The following TTLL5 variants were observed in gnomAD, a reference collection of about 807,000 sequenced individuals.
The protein encoded by TTLL5 is tubulin polyglutamylase TTLL5.
In TTLL5, 132 loss-of-function variants were observed where a neutral mutation model predicts 168.4. The ratio of observed to expected loss-of-function variants is 0.78; its 90% CI spans 0.68 to 0.91. The LOEUF is 0.91. TTLL5 is among the 40% of genes least tolerant of loss of function. The probability of loss-of-function intolerance (pLI) is 0.00; values close to 1 mark genes in which losing one functional copy is unlikely to be tolerated. For missense variants in TTLL5, 1,545 were observed against 1,581.5 expected, an observed-to-expected ratio of 0.98 and a Z score of 0.39; for synonymous variants, 546 against 558.6, an observed-to-expected ratio of 0.98 and a Z score of 0.32.
At chr14:75,920,135 A>G (rs1427054682) in intron 31 of TTLL5, among the ~76,000 whole-genome samples, 2 of 152,034 alleles carry the variant, frequency 1.3e-5, no homozygotes, top group African/African-American at 4.8e-5. Flanking sequence ...CAACAACAAC[A>G]ACAACAACAA....
At chr14:75,775,713 G>A in intron 22 of TTLL5, 83 bp downstream of exon 22, 1 of 1,506,736 alleles carries the variant, frequency 6.6e-7, no homozygotes, top group East Asian at 2.3e-5. Flanking sequence ...TGTCCAACTG[G>A]ATGGAGACAC....
chr14:75,803,554 T>G (rs1041315781), intron 27 of TTLL5, among the ~76,000 whole-genome samples: 2 of 152,216 alleles, frequency 1.3e-5, no homozygotes, highest in Non-Finnish European at 2.9e-5. Context: ...AACAAATAAC[T>G]TAGAAATCTG....
At chr14:75,728,958 T>A (rs1178348247) in intron 12 of TTLL5, among the ~76,000 whole-genome samples, 1 of 152,166 alleles carries the variant, frequency 6.6e-6, no homozygotes, top group Non-Finnish European at 1.5e-5. Context: ...TCTTTGGTGA[T>A]CATATTGAGA....
At chr14:75,712,312 T>C (rs1887139461) in intron 9 of TTLL5, 1 of 151,694 alleles carries the variant, frequency 6.6e-6, no homozygotes, top group African/African-American at 2.4e-5. Flanking sequence ...CTACACCTGT[T>C]GAAGGATAAC....
At chr14:75,735,556 C>T (rs898437570) in intron 15 of TTLL5, among the ~76,000 whole-genome samples, 2 of 152,094 alleles carry the variant, frequency 1.3e-5, no homozygotes, top group Non-Finnish European at 2.9e-5. Flanking sequence ...TTAAAAATCA[C>T]GTTTTTTCCG....
chr14:75,817,163 A>G (rs1447680759), intron 27 of TTLL5, among the ~76,000 whole-genome samples: 3 of 151,064 alleles, frequency 2.0e-5, no homozygotes, highest in Admixed American at 2.0e-4. Flanking sequence ...TATTTTTAGT[A>G]GAGATGGGAT....
At chr14:75,938,284 A>G (rs569859998) in intron 31 of TTLL5, among the ~76,000 whole-genome samples, 1 of 152,352 alleles carries the variant, frequency 6.6e-6, no homozygotes, top group Non-Finnish European at 1.5e-5. Flanking sequence ...ATCTGTATGG[A>G]GATACTTGTT....
intron 27 of TTLL5, chr14:75,803,126 T>G (rs1224836508): frequency 6.6e-6 from 1 of 152,206 alleles, no homozygotes; most frequent in Non-Finnish European, 1.5e-5. Flanking sequence ...TGAGACACAA[T>G]TGCTTTGCCT....
chr14:75,713,603 A>G (rs1273476218), intron 9 of TTLL5, among the ~76,000 whole-genome samples: 1 of 152,214 alleles, frequency 6.6e-6, no homozygotes, highest in Non-Finnish European at 1.5e-5. Flanking sequence ...TCAGACCTAG[A>G]GAAGATGAAA....
intron 29 of TTLL5, among the ~76,000 whole-genome samples, chr14:75,869,821 A>ATTTTTTTTTTTTTT (rs10658095): frequency 0.065 from 5,370 of 82,204 alleles, 1,636 homozygotes; most frequent in African/African-American, 0.11. Flanking sequence ...TTCAACAAGT[A>ATTTTTTTTTTTTTT]TTTTTTTTTT....
At chr14:75,837,609 C>A (rs1895940383) in intron 28 of TTLL5, among the ~76,000 whole-genome samples, 2 of 152,002 alleles carry the variant, frequency 1.3e-5, no homozygotes, top group African/African-American at 4.8e-5. Flanking sequence ...TTCTTCCCTC[C>A]CCCCAACGCC....
intron 31 of TTLL5, among the ~76,000 whole-genome samples, chr14:75,926,726 C>T (rs183537482): frequency 1.3e-4 from 20 of 152,162 alleles, no homozygotes; most frequent in African/African-American, 4.6e-4. Context: ...TGTAAAATGG[C>T]GCAGCTGGTT....
Position 75,771,763 on chromosome 14 carries a change from C to G in TTLL5, c.2045C>G (p.Ala682Gly), listed in dbSNP as rs777884219. 5.0e-6 allele frequency: 8 copies of G among 1,614,018 alleles called. No individual in the cohort carries two copies. Among genetic ancestry groups the G allele is most frequent in the Non-Finnish European group, 6.8e-6 (8 of 1,179,944 alleles). The change falls in exon 21 of 32, where the codon GCC (alanine) becomes GGC (glycine). Residue 682 changes from alanine to glycine, a missense_variant. Coordinates refer to ENST00000298832, the MANE Select transcript of TTLL5 (RefSeq NM_015072.5). Reference protein sequence around the residue: ...SKMQARIAFSAYLQHVQIRLM... With the variant: ...SKMQARIAFSGYLQHVQIRLM... ...ATGCAGGCCCGAATAGCATTCTCTG[C>G]CTATCTCCAGCATGTTCAAATTCGC...
intron 28 of TTLL5, among the ~76,000 whole-genome samples, chr14:75,856,289 G>A (rs1395133171): frequency 6.6e-6 from 1 of 152,192 alleles, no homozygotes; most frequent in Non-Finnish European, 1.5e-5. Flanking sequence ...CTTAAACCCA[G>A]GAGGCGGAAG....
At chr14:75,681,847 T>TG in intron 4 of TTLL5, among the ~76,000 whole-genome samples, 1 of 152,170 alleles carries the variant, frequency 6.6e-6, no homozygotes, top group East Asian at 1.9e-4. Flanking sequence ...AATTTTTTCT[T>TG]GCTACGTTCT....
chr14:75,781,622 C>T (rs766148657), intron 24 of TTLL5, among the ~76,000 whole-genome samples: 1 of 152,092 alleles, frequency 6.6e-6, no homozygotes, highest in Non-Finnish European at 1.5e-5. Flanking sequence ...TAGAGTGATA[C>T]TATTATTGAA....
chr14:75,896,089 C>G (rs766210588), intron 30 of TTLL5, among the ~76,000 whole-genome samples: 11 of 152,152 alleles, frequency 7.2e-5, no homozygotes, highest in Non-Finnish European at 1.3e-4. Flanking sequence ...GTTGACTTCA[C>G]TAAATGTTTC....
chr14:75,899,625 C>G (rs1020170887), intron 30 of TTLL5, among the ~76,000 whole-genome samples: 5 of 152,082 alleles, frequency 3.3e-5, no homozygotes, highest in African/African-American at 1.2e-4. Context: ...TAGAAGTGTT[C>G]AAATTCTGAA....
At chr14:75,697,340 A>G (rs148995756) in intron 6 of TTLL5, among the ~76,000 whole-genome samples, 1,988 of 152,260 alleles carry the variant, frequency 0.013, 18 homozygotes, top group South Asian at 0.035. Flanking sequence ...TATATATGCA[A>G]TATTTTACAC....
Sources: gnomAD v4.1 joint callset for allele counts (sites outside exome capture counted in the v4.1 genomes callset) on GRCh38, gnomAD v4.1.1 for gene constraint, MANE v1.5 for transcripts, NCBI Gene and HGNC (gene_info 2026-07-23, HGNC 2026-07-21) for gene names.